Variants in NEGR1 observed in about 807,000 individuals in gnomAD.
The protein encoded by NEGR1 is IgLON family member 4.
A neutral mutation model predicts 40.9 loss-of-function variants in NEGR1; 10 were observed. That is an observed-to-expected ratio of 0.24 (90% CI 0.15 to 0.42). NEGR1 has a LOEUF of 0.42. Ranked by LOEUF, NEGR1 falls within the 10% of genes least tolerant of loss-of-function variation. NEGR1 has a pLI of 1.00. For synonymous variants in NEGR1, 185 were observed against 166.8 expected (o/e 1.11, Z -0.84); for missense variants, 352 against 438.9 (o/e 0.80, Z 1.77).
Position 71,628,972 on chromosome 1 carries a change from T to G in NEGR1, c.668-17826A>C, listed in dbSNP as rs573395933. 1.4e-4 allele frequency among the ~76,000 whole-genome samples: 21 copies of G among 152,260 alleles called. 1 individual carries two copies. The South Asian group carries it at 3.9e-3, about 29-fold the overall frequency. On this transcript the variant is annotated intron_variant, in intron 4 of 6. Transcript: ENST00000357731. ...GTGAAATGGTATTTCTAGTTCTAGATGCTTGAGGAATCACCACACTGTCTT... is the reference window on the plus strand; with the variant it reads ...GTGAAATGGTATTTCTAGTTCTAGAGGCTTGAGGAATCACCACACTGTCTT...
At chr1:71,695,682 G>A (rs756537525) in intron 4 of NEGR1, among the ~76,000 whole-genome samples, 1 of 151,772 alleles carries the variant, frequency 6.6e-6, no homozygotes, top group African/African-American at 2.4e-5. Flanking sequence ...CCCATCTTGT[G>A]TTAGAAGAGA....
chr1:71,438,285 T>C (rs1404592380), intron 6 of NEGR1, among the ~76,000 whole-genome samples: 1 of 152,236 alleles, frequency 6.6e-6, no homozygotes, highest in African/African-American at 2.4e-5. Context: ...ATGGATCTTA[T>C]GTTTCTTGTG....
At chr1:71,566,486 A>G (rs1054907617) in intron 6 of NEGR1, among the ~76,000 whole-genome samples, 3 of 152,134 alleles carry the variant, frequency 2.0e-5, no homozygotes, top group African/African-American at 7.2e-5. Flanking sequence ...GCATCTTCTC[A>G]TTTATTCATA....
At chr1:72,082,918 C>T (rs372996075) in intron 1 of NEGR1, among the ~76,000 whole-genome samples, 45 of 152,136 alleles carry the variant, frequency 3.0e-4, no homozygotes, top group African/African-American at 9.9e-4. Context: ...AAAATGTATG[C>T]CTCAATATTG....
intron 1 of NEGR1, among the ~76,000 whole-genome samples, chr1:71,981,834 A>G (rs1013349950): frequency 2.0e-5 from 3 of 152,022 alleles, no homozygotes; most frequent in Non-Finnish European, 2.9e-5. Context: ...AACAGTGAAA[A>G]AGATGAAACT....
rs56301492 is a variant in NEGR1, at chr1:72,127,463, C to CAAAAAAA, written c.176+154849_176+154855dup. ...TGGGCGACAGAGCAAGGCTCTGTCT[C>CAAAAAAA]AAAAAAAAAAAAAAAAAAAAAAAAA... On this transcript the variant is annotated intron_variant, in intron 1 of 6. Coordinates refer to ENST00000357731, the MANE Select transcript of NEGR1 (RefSeq NM_173808.3). Among the ~76,000 whole-genome samples, 367 of 39,262 alleles carry CAAAAAAA rather than the reference C, an allele frequency of 9.3e-3. 53 individuals are homozygous for CAAAAAAA. The highest frequency in any genetic ancestry group is 0.012 in the Non-Finnish European group (262 of 22,172). 25.8% of individuals were successfully genotyped at this position (39,262 alleles called of 152,430 possible). A position where few individuals can be genotyped will look rare whatever the true frequency, so the allele number is the denominator to read the frequency against.
intron 1 of NEGR1, among the ~76,000 whole-genome samples, chr1:72,115,857 G>A (rs891295393): frequency 6.6e-6 from 1 of 151,528 alleles, no homozygotes; most frequent in African/African-American, 2.4e-5. Context: ...TGGTGGGGTG[G>A]GTGCCAAAGC....
At chr1:72,255,994 A>G (rs1655261302) in intron 1 of NEGR1, among the ~76,000 whole-genome samples, 1 of 152,238 alleles carries the variant, frequency 6.6e-6, no homozygotes, top group Admixed American at 6.5e-5. Context: ...ATTGTACAAT[A>G]AAAGGATCAG....
At chr1:71,944,830 A>C (rs1646002413) in intron 1 of NEGR1, among the ~76,000 whole-genome samples, 1 of 152,230 alleles carries the variant, frequency 6.6e-6, no homozygotes, top group Non-Finnish European at 1.5e-5. Flanking sequence ...ATGGTTACAC[A>C]GTCAACTAAT....
intron 1 of NEGR1, among the ~76,000 whole-genome samples, chr1:72,048,005 C>T (rs11209897): frequency 0.014 from 2,142 of 151,628 alleles, 52 homozygotes; most frequent in African/African-American, 0.048. Context: ...AAACAGGAGC[C>T]AGCCAAAATG....
chr1:71,985,991 T>C (rs1646390800), intron 1 of NEGR1, among the ~76,000 whole-genome samples: 1 of 152,176 alleles, frequency 6.6e-6, no homozygotes. Context: ...GAAATACATT[T>C]AACTGAGAAC....
chr1:71,984,649 T>C lies in NEGR1; in HGVS notation c.177-49338A>G, dbSNP rs1439857875. Reference sequence around the variant, plus strand: ...AAACCTAACAATAAGTCTTATCTCATATAGTTGTAGTGAGAAATAATTTTT... The same window carrying C: ...AAACCTAACAATAAGTCTTATCTCACATAGTTGTAGTGAGAAATAATTTTT... On this transcript the variant is annotated intron_variant, in intron 1 of 6. Transcript: ENST00000357731. Among the ~76,000 whole-genome samples, 3 of 152,200 alleles carry C rather than the reference T, an allele frequency of 2.0e-5. No individual in the cohort carries two copies. The East Asian group carries it at 5.8e-4, about 29-fold the overall frequency.
intron 1 of NEGR1, among the ~76,000 whole-genome samples, chr1:72,220,908 C>A: frequency 9.4e-6 from 1 of 106,122 alleles, no homozygotes; most frequent in African/African-American, 3.9e-5. Flanking sequence ...CTTCTACCTA[C>A]CTAAAGTTTT....
intron 1 of NEGR1, among the ~76,000 whole-genome samples, chr1:72,254,333 G>A (rs564349952): frequency 2.0e-5 from 3 of 152,276 alleles, no homozygotes; most frequent in Admixed American, 1.3e-4. Flanking sequence ...TGCCTTTGAA[G>A]TCAAGTTAAA....
Position 72,092,158 on chromosome 1 carries a change from T to C in NEGR1, c.177-156847A>G, listed in dbSNP as rs144125946. ...CTCTGTTTTGCATAATAAAATTGTG[T>C]TCCATACAACTAGGGCGCAGGTGGT... On this transcript the variant is annotated intron_variant, in intron 1 of 6. Transcript: ENST00000357731. Among the ~76,000 whole-genome samples, 757 of 152,224 alleles carry C rather than the reference T, an allele frequency of 5.0e-3. 10 individuals carry two copies. Among genetic ancestry groups the C allele is most frequent in the Non-Finnish European group, 7.6e-3 (514 of 68,020 alleles).
chr1:72,181,661 G>A (rs1254929737), intron 1 of NEGR1, among the ~76,000 whole-genome samples: 1 of 152,070 alleles, frequency 6.6e-6, no homozygotes, highest in Non-Finnish European at 1.5e-5. Context: ...AGCCTAGAGA[G>A]GGAAGCAACC....
intron 3 of NEGR1, among the ~76,000 whole-genome samples, chr1:71,751,235 T>A (rs1323350090): frequency 6.6e-6 from 1 of 152,160 alleles, no homozygotes; most frequent in African/African-American, 2.4e-5. Context: ...GTAATGAGCA[T>A]CCCAAGATCT....
At chr1:71,919,041 A>C (rs1661683513) in intron 2 of NEGR1, among the ~76,000 whole-genome samples, 1 of 152,182 alleles carries the variant, frequency 6.6e-6, no homozygotes, top group South Asian at 2.1e-4. Context: ...ATTATTTTAA[A>C]ATTACAGTGC....
At chr1:72,263,962 A>G (rs1655553491) in intron 1 of NEGR1, among the ~76,000 whole-genome samples, 1 of 151,448 alleles carries the variant, frequency 6.6e-6, no homozygotes, top group Non-Finnish European at 1.5e-5. Context: ...TATTCACTGG[A>G]AAGAGTAAAA....
Sources: allele counts gnomAD v4.1 joint callset (sites outside exome capture counted in the v4.1 genomes callset), GRCh38; gene constraint gnomAD v4.1.1; transcripts MANE v1.5; gene names NCBI Gene and HGNC (gene_info 2026-07-23, HGNC 2026-07-21).